Variants in JAK3 observed in about 807,000 individuals in gnomAD.
JAK3 encodes the protein tyrosine-protein kinase JAK3.
Under a neutral mutation model 120.8 loss-of-function variants are expected in JAK3, and 88 were observed. The ratio of observed to expected loss-of-function variants is 0.73; its 90% CI spans 0.61 to 0.87. The LOEUF (loss-of-function observed/expected upper bound fraction) is 0.87. Ranked by LOEUF, JAK3 falls within the 40% of genes least tolerant of loss-of-function variation. JAK3 has a pLI of 0.00. For missense variants in JAK3, 1,254 were observed against 1,501.4 expected, an observed-to-expected ratio of 0.84 and a Z score of 2.72; for synonymous variants, 592 against 628.6, an observed-to-expected ratio of 0.94 and a Z score of 0.87.
In JAK3 at chr19:17,826,778, G is replaced by C; in HGVS notation, c.3340C>G (p.Pro1114Ala). The C allele has an allele frequency of 6.2e-7, 1 of 1,614,086 alleles. No individual in the cohort carries two copies. Residue 1114 changes from proline (P) to alanine (A), a missense_variant, in exon 24 of 24, where the codon CCA becomes GCA. By Grantham distance (27) the Pro-to-Ala change is conservative (BLOSUM62 -1). This residue lies in a region of JAK3 where 630 missense variants were observed against 819.8 expected (regional missense o/e 0.77). Coordinates refer to ENST00000458235, the MANE Select transcript of JAK3 (RefSeq NM_000215.4). ...GCETHAFTAH[P>A]EGKHHSLSFS ...GACAGGGAGTGGTGTTTGCCCTCTG[G>C]GTGAGCAGTGAAGGCATGAGTCTCA...
chr19:17,846,127 T>A (rs2094251664), intron 1 of JAK3, among the ~76,000 whole-genome samples: 2 of 151,972 alleles, frequency 1.3e-5, no homozygotes, highest in African/African-American at 4.8e-5. Flanking sequence ...CTAATGAGGT[T>A]TAAGACAATC....
rs201199096 is a variant in JAK3, at chr19:17,832,694, G to A, written c.2505C>T (p.Ser835=). The stretch of plus-strand genomic sequence containing the variant: ...GCGGGTCATAGCGGCACAGCTCCAC[G>A]CTGCCAAAGTTGCCCTGGGGGATAG... ...ISQLGKGNFG[S]VELCRYDPLG... is the part of the protein sequence containing the mutation. Residue 835 remains serine (S), a synonymous_variant, in exon 19 of 24, where the codon AGC becomes AGT. Coordinates refer to ENST00000458235, the MANE Select transcript of JAK3 (RefSeq NM_000215.4). This position sits in a 1 kb window ranked among gnomAD's most constrained non-coding sequence, Gnocchi z 4.7. 304 of 1,614,068 alleles carry A rather than the reference G, an allele frequency of 1.9e-4. No individual in the cohort carries two copies. Among genetic ancestry groups the A allele is most frequent in the Non-Finnish European group, 2.5e-4 (295 of 1,180,042 alleles).
chr19:17,828,791 G>A (rs760777592), intron 23 of JAK3, among the ~76,000 whole-genome samples: 10 of 152,184 alleles, frequency 6.6e-5, no homozygotes, highest in African/African-American at 9.7e-5. Context: ...TTTTTGGCCT[G>A]AGCAAATTAA....
rs199679264 is a variant in JAK3, at chr19:17,826,606, C to A, written c.*137G>T. ...TATTCTACAGGCCACGGGAGCCCCC[C>A]CAAATGCAATGTCATGGGGGTGTTC... is the stretch of plus-strand genomic sequence containing the variant. On this transcript the variant is annotated 3_prime_UTR_variant, in exon 24 of 24. Transcript: ENST00000458235. 15 of 964,008 alleles carry A rather than the reference C, an allele frequency of 1.6e-5. No individual in the cohort carries two copies. The East Asian group carries it at 3.6e-4, about 23-fold the overall frequency. The allele number at this position is 964,008 out of a possible 1,614,324, so 59.7% of individuals were successfully genotyped here.
chr19:17,838,700 C>T lies in JAK3; in HGVS notation c.1442-310G>A, dbSNP rs188369281. On this transcript the variant is annotated intron_variant, in intron 10 of 23. Coordinates refer to ENST00000458235, the MANE Select transcript of JAK3 (RefSeq NM_000215.4). ...AGCTGGGACTACAGGTGTGTGCCAC[C>T]GTGCCCGGCTAATTTTTTTTTTTTT... Among the ~76,000 whole-genome samples, 494 of 149,218 alleles carry T rather than the reference C, an allele frequency of 3.3e-3. 10 individuals carry two copies. Among genetic ancestry groups the T allele is most frequent in the East Asian group, 0.026 (134 of 5,064 alleles).
In JAK3 at chr19:17,838,255, CCT is replaced by C. The variant is rs1568404427; in HGVS notation, c.1569+6_1569+7del. 1.2e-6 allele frequency: 2 copies of C among 1,614,014 alleles called. No homozygotes were observed. The highest frequency in any genetic ancestry group is 3.3e-5 in the Admixed American group (2 of 60,008). On this transcript the variant is annotated splice_donor_region_variant and intron_variant, in intron 11 of 23. Coordinates refer to ENST00000458235, the MANE Select transcript of JAK3 (RefSeq NM_000215.4). ...TGAGGTATCGCCTCATTTCCCAGGG[CCT>C]CTTACCCACTCCAGGCTGTCAGCAG...
Position 17,835,165 on chromosome 19 carries a change from C to T in JAK3, c.1965G>A (p.Leu655=), listed in dbSNP as rs199607834. The change falls in exon 15 of 24, where the codon CTG becomes CTA. Residue 655 remains leucine, a synonymous_variant. Coordinates refer to ENST00000458235, the MANE Select transcript of JAK3 (RefSeq NM_000215.4). The stretch of plus-strand genomic sequence containing the variant: ...GGCTCCCATCAGCCCCCTCCCGAGC[C>T]AGGAGCACCTTCCGGGCAGAGACAT... ...HGNVSARKVL[L]AREGADGSPP... is the part of the protein sequence containing the mutation. 4 of 1,614,118 alleles carry T rather than the reference C, an allele frequency of 2.5e-6. No homozygotes were observed. Among genetic ancestry groups the T allele is most frequent in the African/African-American group, 1.3e-5 (1 of 74,944 alleles).
rs767473733 is a variant in JAK3, at chr19:17,831,214, C to T, written c.2978+14G>A. On this transcript the variant is annotated intron_variant, in intron 21 of 23. Coordinates refer to ENST00000458235, the MANE Select transcript of JAK3 (RefSeq NM_000215.4). This position sits in a 1 kb window ranked among gnomAD's most constrained non-coding sequence, Gnocchi z 5.1. ...GTGGGGAATAGGGGCGGAGCCTAGG[C>T]GCGGGTTCCCCACCAGAAAATGGGG... 1.2e-6 allele frequency: 2 copies of T among 1,610,248 alleles called. No individual in the cohort carries two copies. The highest frequency in any genetic ancestry group is 8.5e-7 in the Non-Finnish European group (1 of 1,179,124).
chr19:17,847,687 C>A (rs1274683773), intron 1 of JAK3, among the ~76,000 whole-genome samples: 1 of 151,944 alleles, frequency 6.6e-6, no homozygotes, highest in Non-Finnish European at 1.5e-5. Flanking sequence ...AACCCCGCAG[C>A]CCCCGTCGCG....
At position 17,825,435 on chromosome 19, in the gene JAK3, T is replaced by C. The variant is rs1316797372; in HGVS notation, c.*1308A>G. The C allele has an allele frequency of 9.2e-6, 2 of 217,616 alleles. No individual in the cohort carries two copies. The highest frequency in any genetic ancestry group is 1.8e-5 in the Non-Finnish European group (2 of 108,390). 13.5% of individuals were successfully genotyped at this position (217,616 alleles called of 1,614,324 possible). On this transcript the variant is annotated 3_prime_UTR_variant, in exon 24 of 24. Coordinates refer to ENST00000458235, the MANE Select transcript of JAK3 (RefSeq NM_000215.4). ...TGGGAAAACTGAAGCCCTAGGACACTCAGATACCATTAGGGTGGACTGGGA... is the reference window on the plus strand; with the variant it reads ...TGGGAAAACTGAAGCCCTAGGACACCCAGATACCATTAGGGTGGACTGGGA...
chr19:17,842,421 C>T lies in JAK3; in HGVS notation c.756G>A (p.Glu252=), dbSNP rs1218986571. 5 of 1,584,338 alleles carry T rather than the reference C, an allele frequency of 3.2e-6. No individual in the cohort carries two copies. The South Asian group carries it at 5.7e-5, about 18-fold the overall frequency. ...CCCCAGGGAGGCCCACGTGGAAGGT[C>T]TCGGCGGCCCCGGCTGGATCCAGCC... ...LERLDPAGAA[E]TFHVGLPGAL... Residue 252 remains glutamate (E), a synonymous_variant, in exon 6 of 24, where the codon GAG becomes GAA. Transcript: ENST00000458235. The surrounding 1 kb of genome is among the most constrained non-coding windows in gnomAD (Gnocchi z 6.4).
Position 17,841,530 on chromosome 19 carries a change from C to T in JAK3, c.1001G>A (p.Gly334Glu). 5 of 1,588,094 alleles carry T rather than the reference C, an allele frequency of 3.1e-6. No homozygotes were observed. The highest frequency in any genetic ancestry group is 4.3e-6 in the Non-Finnish European group (5 of 1,167,352). The change falls in exon 8 of 24, where the codon GGG becomes GAG. Residue 334 changes from glycine (G) to glutamate (E), a missense_variant. Gly to Glu is a moderately conservative substitution (Grantham distance 98). Transcript: ENST00000458235. The surrounding 1 kb of genome is among the most constrained non-coding windows in gnomAD (Gnocchi z 4.1). ...DNQILEAEFP[G>E]LPEALSFVAL... is the part of the protein sequence containing the mutation. ...CACGAACGACAGAGCCTCGGGCAGC[C>T]CTGGGAACTCGGCCTCCTGCGAGGG...
chr19:17,846,582 G>GGTTT (rs760282242), intron 1 of JAK3, among the ~76,000 whole-genome samples: 1 of 152,046 alleles, frequency 6.6e-6, no homozygotes, highest in Non-Finnish European at 1.5e-5. Flanking sequence ...CAAGTTTTTT[G>GGTTT]GTTTGTTTGT....
Position 17,843,357 on chromosome 19 carries a change from T to C in JAK3, c.420+23A>G, listed in dbSNP as rs1390459176. 2 of 1,551,474 alleles carry C rather than the reference T, an allele frequency of 1.3e-6. No homozygotes were observed. The highest frequency in any genetic ancestry group is 1.4e-5 in the African/African-American group (1 of 73,196). On this transcript the variant is annotated intron_variant, in intron 4 of 23. Coordinates refer to ENST00000458235, the MANE Select transcript of JAK3 (RefSeq NM_000215.4). This position sits in a 1 kb window ranked among gnomAD's most constrained non-coding sequence, Gnocchi z 5.4. ...CCCCTTGGACCCCCAACCCCCTGGG[T>C]CAAACCCCAGGCAGAACCCCACCTG...
At position 17,837,122 on chromosome 19, in the gene JAK3, C is replaced by A. The variant is rs1011716310; in HGVS notation, c.1786+7G>T. ...AGGGGTGGGGTGGGTGGGTGGGGGG[C>A]TCTCACTGTCTCCAGCCATGCACAC... On this transcript the variant is annotated splice_region_variant and intron_variant, in intron 13 of 23. Transcript: ENST00000458235. 8 of 1,544,078 alleles carry A rather than the reference C, an allele frequency of 5.2e-6. No individual in the cohort carries two copies. The highest frequency in any genetic ancestry group is 6.1e-6 in the Non-Finnish European group (7 of 1,143,332).
At position 17,839,736 on chromosome 19, in the gene JAK3, T is replaced by TTC. The variant is rs2094233223; in HGVS notation, c.1255-75_1255-74dup. The TTC allele has an allele frequency of 1.5e-4, 194 of 1,271,022 alleles. No homozygotes were observed. In the African/African-American group the frequency reaches 2.6e-3, roughly 17 times the overall value. 78.7% of individuals were successfully genotyped at this position (1,271,022 alleles called of 1,614,324 possible). On this transcript the variant is annotated intron_variant, in intron 9 of 23. Transcript: ENST00000458235. ...CCTTCTCAGTCCTTCTTCCTTTTTT[T>TTC]TCTTTTTTTTTTTTTTTTTTTGGAG... is the stretch of plus-strand genomic sequence containing the variant.
Position 17,825,884 on chromosome 19 carries a change from G to A in JAK3, c.*859C>T, listed in dbSNP as rs2094203043. ...CCACTGTACTCCAGCCTGGGCGACA[G>A]AGCGAGACTCCGTCTCAAAAAAAAA... On this transcript the variant is annotated 3_prime_UTR_variant, in exon 24 of 24. Coordinates refer to ENST00000458235, the MANE Select transcript of JAK3 (RefSeq NM_000215.4). 1 of 137,086 alleles carries A rather than the reference G, an allele frequency of 7.3e-6. No homozygotes were observed. The highest frequency in any genetic ancestry group is 1.5e-5 in the Non-Finnish European group (1 of 65,540). 8.5% of individuals were successfully genotyped at this position (137,086 alleles called of 1,614,324 possible). A position where few individuals can be genotyped will look rare whatever the true frequency, so the allele number is the denominator to read the frequency against.
At chr19:17,840,858 C>T (rs1008918350) in intron 8 of JAK3, among the ~76,000 whole-genome samples, 4 of 152,154 alleles carry the variant, frequency 2.6e-5, no homozygotes, top group African/African-American at 4.8e-5. Flanking sequence ...CAGGGTCTTG[C>T]TTGGTTGCCC....
chr19:17,842,350 T>C lies in JAK3; in HGVS notation c.827A>G (p.Asp276Gly), dbSNP rs1210711875. 6.3e-7 allele frequency: 1 copy of C among 1,589,040 alleles called. No individual in the cohort carries two copies. Among genetic ancestry groups the C allele is most frequent in the East Asian group, 2.3e-5 (1 of 43,928 alleles). The change falls in exon 6 of 24, where the codon GAC becomes GGC. Residue 276 changes from aspartate (D) to glycine (G), a missense_variant. Asp to Gly is a moderately conservative substitution (Grantham distance 94, BLOSUM62 -1). Around this residue, in one of 3 missense-constraint regions of JAK3, gnomAD observed 486 missense variants for 503.0 expected, o/e 0.97. Transcript: ENST00000458235. The surrounding 1 kb of genome is among the most constrained non-coding windows in gnomAD (Gnocchi z 6.4). The part of the protein sequence containing the change: ...DGLGLLRVAG[D>G]GGIAWTQGEQ... Reference sequence around the variant, plus strand: ...TCCCTGGGTCCAGGCGATGCCGCCGTCACCAGCCACGCGGAGCAGCCCCAG... The same window carrying C: ...TCCCTGGGTCCAGGCGATGCCGCCGCCACCAGCCACGCGGAGCAGCCCCAG...
Sources: allele counts gnomAD v4.1 joint callset (sites outside exome capture counted in the v4.1 genomes callset), GRCh38; gene constraint gnomAD v4.1.1; regional missense constraint gnomAD v4.1.1; non-coding constraint Gnocchi (gnomAD v3.1); transcripts MANE v1.5; gene names NCBI Gene and HGNC (gene_info 2026-07-23, HGNC 2026-07-21).